ARHGEF7: variants seen among roughly 807,000 people sequenced by gnomAD.
ARHGEF7 encodes Rho guanine nucleotide exchange factor 7.
A neutral mutation model predicts 109.8 loss-of-function variants in ARHGEF7; 33 were observed. The ratio of observed to expected loss-of-function variants is 0.30; its 90% CI spans 0.23 to 0.40. The LOEUF is 0.40. Ranked by LOEUF, ARHGEF7 falls within the 10% of genes least tolerant of loss-of-function variation. The pLI is 1.00. For missense variants in ARHGEF7, 938 were observed against 1,098.5 expected (o/e 0.85, Z 2.07); for synonymous variants, 458 against 424.6 (o/e 1.08, Z -0.97).
intron 4 of ARHGEF7, among the ~76,000 whole-genome samples, 159 bp from the exon 5 acceptor site, chr13:111,217,520 G>A (rs1344607025): frequency 6.6e-6 from 1 of 152,130 alleles, no homozygotes; most frequent in Non-Finnish European, 1.5e-5. Context: ...TGCTGGTGGT[G>A]GTCATGGGGC....
chr13:111,116,780 T>G (rs1031163623), intron 1 of ARHGEF7, among the ~76,000 whole-genome samples: 1 of 152,242 alleles, frequency 6.6e-6, no homozygotes, highest in Non-Finnish European at 1.5e-5. Flanking sequence ...TTCATTCACA[T>G]GTACATATTC....
chr13:111,235,443 T>A (rs2086674402), intron 6 of ARHGEF7, among the ~76,000 whole-genome samples: 1 of 152,246 alleles, frequency 6.6e-6, no homozygotes, highest in Non-Finnish European at 1.5e-5. Flanking sequence ...AGTGCTCTTT[T>A]CTTCAAATCA....
chr13:111,149,612 T>C (rs1030286927), intron 1 of ARHGEF7, among the ~76,000 whole-genome samples: 1 of 152,244 alleles, frequency 6.6e-6, no homozygotes, highest in East Asian at 1.9e-4. Context: ...TATTTTTGTT[T>C]GAAGATAGCT....
chr13:111,202,184 C>G (rs1051070007), intron 2 of ARHGEF7, among the ~76,000 whole-genome samples: 21 of 152,132 alleles, frequency 1.4e-4, no homozygotes, highest in African/African-American at 4.6e-4. Flanking sequence ...GTGCAGCCAC[C>G]CTTGTCCCCA....
At chr13:111,249,601 G>C (rs562066927) in intron 8 of ARHGEF7, among the ~76,000 whole-genome samples, 2 of 152,236 alleles carry the variant, frequency 1.3e-5, no homozygotes, top group African/African-American at 4.8e-5. Context: ...TTCACGGGAA[G>C]GGTGATTTCT....
intron 4 of ARHGEF7, among the ~76,000 whole-genome samples, chr13:111,213,177 C>G (rs894528170): frequency 6.6e-6 from 1 of 152,042 alleles, no homozygotes; most frequent in Non-Finnish European, 1.5e-5. Context: ...GATTAATATC[C>G]AAGATACTGA....
intron 11 of ARHGEF7, among the ~76,000 whole-genome samples, chr13:111,275,193 C>T (rs115921873): frequency 0.022 from 3,334 of 152,258 alleles, 124 homozygotes; most frequent in African/African-American, 0.076. Flanking sequence ...TCTTTTCAGT[C>T]TTCCATATTG....
At chr13:111,195,081 T>C (rs1214761749) in intron 2 of ARHGEF7, among the ~76,000 whole-genome samples, 3 of 152,220 alleles carry the variant, frequency 2.0e-5, no homozygotes, top group Non-Finnish European at 4.4e-5. Context: ...AGCCTTGAGC[T>C]TTCAAATGTT....
rs764936081 is a variant in ARHGEF7 at position 111,280,628 on chromosome 13, C to T, written c.1676C>T (p.Thr559Met). 5.6e-6 allele frequency: 9 copies of T among 1,611,392 alleles called. No individual in the cohort carries two copies. Among genetic ancestry groups the T allele is most frequent in the East Asian group, 4.5e-5 (2 of 44,798 alleles). Residue 559 changes from threonine (T) to methionine (M), a missense_variant, in exon 15 of 22, where the codon ACG becomes ATG. By Grantham distance (81) the Thr-to-Met change is moderately conservative (BLOSUM62 -1). This residue lies in a region of ARHGEF7 where 585 missense variants were observed against 723.6 expected (regional missense o/e 0.81). Coordinates refer to ENST00000646102, the MANE Select transcript of ARHGEF7 (RefSeq NM_001354046.2). The part of the protein sequence containing the change: ...VEHLQKQTKV[T>M]SVGNPTIKPH... The stretch of plus-strand genomic sequence containing the variant: ...CACCTACAGAAGCAAACGAAGGTCA[C>T]GTCTGTGGGAAACCCCACCATAAAG...
At chr13:111,172,755 G>A (rs1417986101) in intron 2 of ARHGEF7, among the ~76,000 whole-genome samples, 1 of 152,192 alleles carries the variant, frequency 6.6e-6, no homozygotes, top group Non-Finnish European at 1.5e-5. Flanking sequence ...TAACTATCTT[G>A]TGGGGGCTGG....
intron 9 of ARHGEF7, among the ~76,000 whole-genome samples, chr13:111,268,908 G>T (rs1176854113): frequency 6.6e-6 from 1 of 151,996 alleles, no homozygotes; most frequent in African/African-American, 2.4e-5. Flanking sequence ...TGTTTCCTGG[G>T]TGTGCTCAAA....
chr13:111,169,146 T>G (rs957042607), intron 2 of ARHGEF7, among the ~76,000 whole-genome samples: 1 of 152,222 alleles, frequency 6.6e-6, no homozygotes, highest in African/African-American at 2.4e-5. Flanking sequence ...TGTACTAGTT[T>G]ACTTAATCCT....
At chr13:111,276,636 ATTCT>A (rs2092501386) in intron 12 of ARHGEF7, among the ~76,000 whole-genome samples, 1 of 152,220 alleles carries the variant, frequency 6.6e-6, no homozygotes, top group South Asian at 2.1e-4. Context: ...AGTGGAAAAG[ATTCT>A]TTATGATAGA....
At chr13:111,153,398 C>T (rs551297867) in intron 1 of ARHGEF7, among the ~76,000 whole-genome samples, 5 of 152,044 alleles carry the variant, frequency 3.3e-5, no homozygotes, top group Non-Finnish European at 7.4e-5. Context: ...AGGCCGAGCG[C>T]GGAGCCGGGC....
At chr13:111,286,686 C>T (rs1749767075) in intron 17 of ARHGEF7, among the ~76,000 whole-genome samples, 1 of 152,188 alleles carries the variant, frequency 6.6e-6, no homozygotes. Flanking sequence ...TGCTGTTGGA[C>T]CTGTCCTGTC....
At chr13:111,220,740 C>A (rs2083734329) in intron 5 of ARHGEF7, among the ~76,000 whole-genome samples, 1 of 152,010 alleles carries the variant, frequency 6.6e-6, no homozygotes, top group Non-Finnish European at 1.5e-5. Context: ...AGAAACATGG[C>A]TCTCATGAGG....
chr13:111,246,606 A>G (rs1294217185), intron 8 of ARHGEF7, among the ~76,000 whole-genome samples: 1 of 152,196 alleles, frequency 6.6e-6, no homozygotes. Flanking sequence ...CTTTCAACCC[A>G]TCTGCAGGCC....
At position 111,249,335 on chromosome 13, in the gene ARHGEF7, A is replaced by G. The variant is rs375136171; in HGVS notation, c.950+5041A>G. On this transcript the variant is annotated intron_variant, in intron 8 of 21. Transcript: ENST00000646102. ...TAAAAAGTGATTCAGGCAGGTCTCA[A>G]TCGATAGAGGTTTACGTAGCTGCAG... is the stretch of plus-strand genomic sequence containing the variant. 5.5e-4 allele frequency among the ~76,000 whole-genome samples: 84 copies of G among 152,186 alleles called. No individual in the cohort carries two copies. In the South Asian group the frequency reaches 0.017, roughly 31 times the overall value.
intron 5 of ARHGEF7, among the ~76,000 whole-genome samples, chr13:111,220,607 A>G (rs1452575901): frequency 3.3e-5 from 5 of 152,134 alleles, no homozygotes; most frequent in African/African-American, 9.7e-5. Context: ...TTTGTCTTGC[A>G]GTATGCTGTT....
Sources: allele counts gnomAD v4.1 joint callset (sites outside exome capture counted in the v4.1 genomes callset), GRCh38; gene constraint gnomAD v4.1.1; regional missense constraint gnomAD v4.1.1; transcripts MANE v1.5; gene names NCBI Gene and HGNC (gene_info 2026-07-23, HGNC 2026-07-21).